The following CNTN3 variants were observed in gnomAD, a reference collection of about 807,000 sequenced individuals.
CNTN3 encodes the protein contactin-3.
In CNTN3, 60 loss-of-function variants were observed where a neutral mutation model predicts 119.1. The ratio of observed to expected loss-of-function variants is 0.50; its 90% confidence interval spans 0.41 to 0.62. The LOEUF (loss-of-function observed/expected upper bound fraction) is 0.62, where lower values mean the gene tolerates loss of function less well. Among genes scored for constraint, CNTN3 ranks in the 20% least tolerant of loss-of-function variants. The probability of loss-of-function intolerance (pLI) is 0.00; values close to 1 mark genes in which losing one functional copy is unlikely to be tolerated. For missense variants in CNTN3, 1,101 were observed against 1,242.4 expected (o/e 0.89, Z 1.71); for synonymous variants, 450 against 438.7 (o/e 1.03, Z -0.32).
chr3:74,400,031 A>T (rs1028054199), intron 5 of CNTN3, among the ~76,000 whole-genome samples: 2 of 152,198 alleles, frequency 1.3e-5, no homozygotes, highest in African/African-American at 4.8e-5. Context: ...ACCTAGTTAC[A>T]CTGAAGGAAT....
chr3:74,595,328 T>A (rs1704786714), intron 1 of CNTN3, among the ~76,000 whole-genome samples: 1 of 151,740 alleles, frequency 6.6e-6, no homozygotes, highest in African/African-American at 2.4e-5. Context: ...TTGGCTTTTG[T>A]TGCCATTGCT....
At chr3:74,401,828 T>C (rs1455463282) in intron 5 of CNTN3, among the ~76,000 whole-genome samples, 1 of 152,206 alleles carries the variant, frequency 6.6e-6, no homozygotes, top group Non-Finnish European at 1.5e-5. Flanking sequence ...GCATCATTTT[T>C]CCAGAATAAC....
intron 4 of CNTN3, among the ~76,000 whole-genome samples, chr3:74,485,949 C>G (rs1442862905): frequency 6.6e-6 from 1 of 152,002 alleles, no homozygotes; most frequent in Admixed American, 6.6e-5. Flanking sequence ...TGTGATAAGA[C>G]CCCAGAGGAG....
At chr3:74,463,643 T>C (rs912754457) in intron 4 of CNTN3, among the ~76,000 whole-genome samples, 1 of 152,166 alleles carries the variant, frequency 6.6e-6, no homozygotes, top group South Asian at 2.1e-4. Flanking sequence ...GTTTCCAGTT[T>C]AACACTGTTC....
At chr3:74,375,312 C>G (rs948309154) in intron 5 of CNTN3, among the ~76,000 whole-genome samples, 1 of 152,082 alleles carries the variant, frequency 6.6e-6, no homozygotes, top group Non-Finnish European at 1.5e-5. Context: ...TTTTGAGACT[C>G]AGACAGAGGA....
At chr3:74,299,525 G>A (rs1191714323) in intron 17 of CNTN3, among the ~76,000 whole-genome samples, 8 of 152,186 alleles carry the variant, frequency 5.3e-5, no homozygotes, top group Admixed American at 4.6e-4. Flanking sequence ...CCAACCAGGT[G>A]ACCCTGAGCA....
chr3:74,274,340 G>T (rs1185882195), intron 20 of CNTN3, among the ~76,000 whole-genome samples: 1 of 152,040 alleles, frequency 6.6e-6, no homozygotes, highest in Non-Finnish European at 1.5e-5. Flanking sequence ...CCAGCAGGAG[G>T]CCAACCAGCA....
At chr3:74,433,089 C>A (rs561583245) in intron 4 of CNTN3, among the ~76,000 whole-genome samples, 1 of 152,070 alleles carries the variant, frequency 6.6e-6, no homozygotes, top group East Asian at 1.9e-4. Context: ...GGTACATTAT[C>A]GAAATTGCTA....
intron 20 of CNTN3, among the ~76,000 whole-genome samples, chr3:74,281,423 C>A (rs1319525552): frequency 6.6e-6 from 1 of 152,122 alleles, no homozygotes; most frequent in East Asian, 1.9e-4. Context: ...TCTGATCGAT[C>A]TCCTAGGCTC....
At chr3:74,467,309 T>G (rs1702479212) in intron 4 of CNTN3, among the ~76,000 whole-genome samples, 1 of 152,134 alleles carries the variant, frequency 6.6e-6, no homozygotes. Flanking sequence ...GGAAATATTC[T>G]TATCAAAGCT....
intron 5 of CNTN3, among the ~76,000 whole-genome samples, chr3:74,417,550 T>G (rs915306634): frequency 1.3e-5 from 2 of 152,202 alleles, no homozygotes; most frequent in Non-Finnish European, 2.9e-5. Context: ...GGATGGAATA[T>G]GCCTGGATGG....
At chr3:74,395,431 AAGAC>A (rs1413776479) in intron 5 of CNTN3, among the ~76,000 whole-genome samples, 1 of 152,164 alleles carries the variant, frequency 6.6e-6, no homozygotes, top group Non-Finnish European at 1.5e-5. Context: ...GCAAAACAGC[AAGAC>A]AGACAGGAGT....
chr3:74,580,370 T>C (rs1704484985), intron 1 of CNTN3, among the ~76,000 whole-genome samples: 1 of 152,130 alleles, frequency 6.6e-6, no homozygotes, highest in Non-Finnish European at 1.5e-5. Flanking sequence ...GAACACTTCT[T>C]AACTCATTCT....
At chr3:74,426,646 A>C (rs755263592) in intron 4 of CNTN3, among the ~76,000 whole-genome samples, 3 of 152,208 alleles carry the variant, frequency 2.0e-5, no homozygotes, top group Admixed American at 6.5e-5. Flanking sequence ...AAGAAAAAAC[A>C]GTTGATGGAC....
intron 5 of CNTN3, among the ~76,000 whole-genome samples, chr3:74,402,030 G>T (rs1416488563): frequency 6.6e-6 from 1 of 152,184 alleles, no homozygotes; most frequent in East Asian, 1.9e-4. Context: ...AGGAACAGAG[G>T]CCTGTGAAAT....
chr3:74,269,524 T>C (rs1343235327), intron 20 of CNTN3, among the ~76,000 whole-genome samples: 1 of 152,168 alleles, frequency 6.6e-6, no homozygotes, highest in East Asian at 1.9e-4. Flanking sequence ...CCTCATTATA[T>C]TGCATTGTAA....
At chr3:74,454,502 T>C (rs1159429983) in intron 4 of CNTN3, among the ~76,000 whole-genome samples, 8 of 152,124 alleles carry the variant, frequency 5.3e-5, no homozygotes, top group African/African-American at 1.2e-4. Flanking sequence ...GAGAATTTAG[T>C]CCATTTACTT....
rs139789615 is a variant in CNTN3 at position 74,298,759 on chromosome 3, T to C, written c.2167-568A>G. Reference sequence around the variant, plus strand: ...TAAAAATACAAAAATTAGCCGGGCGTGGTGGCATGCGCCTGTAGTCCCAGC... The same window carrying C: ...TAAAAATACAAAAATTAGCCGGGCGCGGTGGCATGCGCCTGTAGTCCCAGC... On this transcript the variant is annotated intron_variant, in intron 17 of 22. Transcript: ENST00000263665. 5.2e-3 allele frequency among the ~76,000 whole-genome samples: 791 copies of C among 151,594 alleles called. 6 individuals carry two copies. Among genetic ancestry groups the C allele is most frequent in the African/African-American group, 0.015 (634 of 41,354 alleles).
chr3:74,455,160 T>A (rs1702243795), intron 4 of CNTN3, among the ~76,000 whole-genome samples: 1 of 152,162 alleles, frequency 6.6e-6, no homozygotes. Context: ...GACGTAGATT[T>A]GGTCTTTTCA....
Sources: gnomAD v4.1 joint callset for allele counts (sites outside exome capture counted in the v4.1 genomes callset) on GRCh38, gnomAD v4.1.1 for gene constraint, MANE v1.5 for transcripts, NCBI Gene and HGNC (gene_info 2026-07-23, HGNC 2026-07-21) for gene names.